The following CALN1 variants were observed in gnomAD, a reference collection of about 807,000 sequenced individuals.
CALN1 encodes the protein calcium-binding protein 8.
CALN1 carries 17 observed loss-of-function variants against 30.6 expected under a neutral mutation model. The observed-to-expected ratio is 0.56, with a 90% confidence interval of 0.38 to 0.83. The LOEUF (loss-of-function observed/expected upper bound fraction) is 0.83, where lower values mean the gene tolerates loss of function less well. Among genes scored for constraint, CALN1 ranks in the 40% least tolerant of loss-of-function variants. The pLI is 0.00. For missense variants in CALN1, 291 were observed against 354.9 expected (o/e 0.82, Z 1.45); for synonymous variants, 156 against 131.4 (o/e 1.19, Z -1.28).
intron 4 of CALN1, among the ~76,000 whole-genome samples, chr7:72,028,241 C>A (rs1386898748): frequency 6.6e-6 from 1 of 151,210 alleles, no homozygotes; most frequent in Non-Finnish European, 1.5e-5. Flanking sequence ...TTGAACAGTG[C>A]ACCTTCAAGG....
intron 1 of CALN1, among the ~76,000 whole-genome samples, chr7:72,442,759 G>A (rs1808391169): frequency 6.6e-6 from 1 of 151,782 alleles, no homozygotes; most frequent in Non-Finnish European, 1.5e-5. Context: ...ACTTTATGTA[G>A]GGTTGCACTT....
intron 5 of CALN1, among the ~76,000 whole-genome samples, chr7:71,914,122 G>A (rs1034393769): frequency 1.4e-4 from 21 of 152,066 alleles, no homozygotes; most frequent in African/African-American, 4.8e-5. Flanking sequence ...GTGTCATGGG[G>A]GTCTGTTGTA....
At chr7:72,406,599 T>G (rs1806710503) in intron 1 of CALN1, among the ~76,000 whole-genome samples, 1 of 149,322 alleles carries the variant, frequency 6.7e-6, no homozygotes, top group African/African-American at 2.5e-5. Flanking sequence ...TAGACCCACA[T>G]GAGGGTCCTT....
At chr7:71,837,013 C>A (rs1020730869) in intron 5 of CALN1, among the ~76,000 whole-genome samples, 1 of 151,270 alleles carries the variant, frequency 6.6e-6, no homozygotes, top group Admixed American at 6.6e-5. Flanking sequence ...AGACAAATCA[C>A]TTAACGTCAG....
intron 5 of CALN1, among the ~76,000 whole-genome samples, chr7:71,896,272 T>C (rs1188628071): frequency 6.6e-6 from 1 of 152,222 alleles, no homozygotes; most frequent in Non-Finnish European, 1.5e-5. Flanking sequence ...AATATCTGAC[T>C]ATCTGTGACT....
chr7:72,205,551 A>AAATATATACATATATACATATATACAT lies in CALN1; in HGVS notation c.244+73134_244+73135insATGTATATATGTATATATGTATATATT. Among the ~76,000 whole-genome samples the AAATATATACATATATACATATATACAT allele has an allele frequency of 2.4e-5, 2 of 83,052 alleles. 1 individual carries two copies. The highest frequency in any genetic ancestry group is 9.7e-4 in the South Asian group (2 of 2,070). 54.5% of individuals were successfully genotyped at this position (83,052 alleles called of 152,430 possible). A position where few individuals can be genotyped will look rare whatever the true frequency, so the allele number is the denominator to read the frequency against. ...ATTTTTCTCCTGATTGCAAAAAAAA[A>AAATATATACATATATACATATATACAT]ATATATATATATATATGTATATATA... On this transcript the variant is annotated intron_variant, in intron 3 of 6. Transcript: ENST00000395275.
Position 72,031,404 on chromosome 7 carries a change from TTACATGTATTCCCTTG to T in CALN1, c.389-7651_389-7636del, listed in dbSNP as rs568880204. ...TGTGCCAGGCACTGAGCTCAGGGCT[TTACATGTATTCCCTTG>T]TTGAATTCCATGCCAACACTATAAA... On this transcript the variant is annotated intron_variant, in intron 4 of 6. Transcript: ENST00000395275. 6.2e-3 allele frequency among the ~76,000 whole-genome samples: 938 copies of T among 152,302 alleles called. 10 individuals carry two copies. Among genetic ancestry groups the T allele is most frequent in the African/African-American group, 0.022 (903 of 41,566 alleles).
chr7:72,197,178 CTTTTTT>C (rs386410439), intron 3 of CALN1, among the ~76,000 whole-genome samples: 9 of 64,212 alleles, frequency 1.4e-4, no homozygotes, highest in African/African-American at 4.9e-4. Context: ...GGAAGGTTTG[CTTTTTT>C]TTTTTTTTTT....
chr7:72,092,971 T>G (rs1805976043), intron 4 of CALN1, among the ~76,000 whole-genome samples: 1 of 152,092 alleles, frequency 6.6e-6, no homozygotes, highest in Admixed American at 6.5e-5. Context: ...ACAGTCTGAG[T>G]GACAGCTTTA....
At position 72,221,277 on chromosome 7, in the gene CALN1, T is replaced by C. The variant is rs559651010; in HGVS notation, c.244+57409A>G. On this transcript the variant is annotated intron_variant, in intron 3 of 6. Coordinates refer to ENST00000395275, the MANE Select transcript of CALN1 (RefSeq NM_031468.4). ...GAGCCCCGAAAACGTGGAGACGCGA[T>C]GCCCCAGTGTTTTCACTTACACAAG... Among the ~76,000 whole-genome samples, 16 of 151,264 alleles carry C rather than the reference T, an allele frequency of 1.1e-4. 1 individual carries two copies. Among genetic ancestry groups the C allele is most frequent in the South Asian group, 1.0e-3 (5 of 4,762 alleles).
chr7:72,489,159 A>T, the CALN1 span, among the ~76,000 whole-genome samples: 1 of 152,068 alleles, frequency 6.6e-6, no homozygotes, highest in Admixed American at 6.6e-5. Flanking sequence ...TTTCCCTCCA[A>T]TACTCCTCCT....
the CALN1 span, among the ~76,000 whole-genome samples, chr7:72,465,944 G>A: frequency 2.6e-5 from 4 of 152,164 alleles, no homozygotes; most frequent in East Asian, 5.8e-4. Context: ...CCCCCACCAC[G>A]AGACAATCCT....
intron 5 of CALN1, among the ~76,000 whole-genome samples, chr7:71,836,613 T>A (rs1789617106): frequency 7.0e-6 from 1 of 143,806 alleles, no homozygotes; most frequent in Non-Finnish European, 1.5e-5. Flanking sequence ...CCATTATTTC[T>A]CTCTGTCTCT....
At chr7:72,191,077 T>C (rs897241062) in intron 3 of CALN1, among the ~76,000 whole-genome samples, 3 of 152,216 alleles carry the variant, frequency 2.0e-5, no homozygotes, top group Admixed American at 6.5e-5. Context: ...ACTGCTTTTG[T>C]GCAAGTCATG....
chr7:71,876,740 T>C (rs2116779037), intron 5 of CALN1, among the ~76,000 whole-genome samples: 1 of 152,328 alleles, frequency 6.6e-6, no homozygotes, highest in East Asian at 1.9e-4. Flanking sequence ...CAATAAATGC[T>C]AGCCATTTTT....
Position 72,341,826 on chromosome 7 carries a change from G to C in CALN1, c.119+61425C>G, listed in dbSNP as rs73362941. ...CTCAGTTAACCTGGCTCCAGGCATA[G>C]AGTAAGCTTTCAATAAATGTTGGCT... On this transcript the variant is annotated intron_variant, in intron 2 of 6. Transcript: ENST00000395275. Among the ~76,000 whole-genome samples the C allele has an allele frequency of 5.8e-3, 889 of 152,288 alleles. 9 individuals are homozygous for C. Among genetic ancestry groups the C allele is most frequent in the African/African-American group, 0.019 (789 of 41,544 alleles).
intron 2 of CALN1, among the ~76,000 whole-genome samples, chr7:72,303,198 T>C (rs1799415450): frequency 6.6e-6 from 1 of 152,166 alleles, no homozygotes; most frequent in African/African-American, 2.4e-5. Context: ...TGAGATCTAA[T>C]TCATGAGATG....
At chr7:72,282,448 G>C (rs867872150) in intron 2 of CALN1, among the ~76,000 whole-genome samples, 10 of 152,178 alleles carry the variant, frequency 6.6e-5, no homozygotes, top group African/African-American at 2.4e-4. Flanking sequence ...GTAGTATTAA[G>C]AGATGGAGCC....
At chr7:71,886,928 G>A (rs1288782588) in intron 5 of CALN1, among the ~76,000 whole-genome samples, 2 of 152,148 alleles carry the variant, frequency 1.3e-5, no homozygotes, top group African/African-American at 4.8e-5. Context: ...TGGGGGCATA[G>A]CAAAATAGGA....
Sources: gnomAD v4.1 joint callset for allele counts (sites outside exome capture counted in the v4.1 genomes callset) on GRCh38, gnomAD v4.1.1 for gene constraint, MANE v1.5 for transcripts, NCBI Gene and HGNC (gene_info 2026-07-23, HGNC 2026-07-21) for gene names.